SMIM14: variants seen among roughly 807,000 people sequenced by gnomAD.
The protein encoded by SMIM14 is small integral membrane protein 14.
Under a neutral mutation model 12.6 loss-of-function variants are expected in SMIM14, and 5 were observed. The observed-to-expected ratio is 0.40, with a 90% CI of 0.21 to 0.83. The LOEUF (loss-of-function observed/expected upper bound fraction) is 0.83. Among genes scored for constraint, SMIM14 ranks in the 40% least tolerant of loss-of-function variants. The probability of loss-of-function intolerance (pLI) is 0.37; values close to 1 mark genes in which losing one functional copy is unlikely to be tolerated. For missense variants in SMIM14, 86 were observed against 119.1 expected (o/e 0.72, Z 1.29); for synonymous variants, 30 against 40.1 (o/e 0.75, Z 0.95).
At chr4:39,605,990 G>A (rs969754968) in intron 1 of SMIM14, among the ~76,000 whole-genome samples, 4 of 152,050 alleles carry the variant, frequency 2.6e-5, no homozygotes, top group Non-Finnish European at 4.4e-5. Flanking sequence ...TGCCCACCTC[G>A]GCCTCCCAAA....
At position 39,548,294 on chromosome 4, in the gene SMIM14, G is replaced by C. The variant is rs1578300188; in HGVS notation, c.*3832C>G. On this transcript the variant is annotated 3_prime_UTR_variant, in exon 5 of 5. Coordinates refer to ENST00000295958, the MANE Select transcript of SMIM14 (RefSeq NM_174921.3). ...AACAAAACAAAACAAACAAACAAAT[G>C]CAACAAAACAACCTCCCACTATTAT... 1 of 149,028 alleles carries C rather than the reference G, an allele frequency of 6.7e-6. No homozygotes were observed. Among genetic ancestry groups the C allele is most frequent in the South Asian group, 2.1e-4 (1 of 4,808 alleles). The allele number at this position is 149,028 out of a possible 1,614,324, so 9.2% of individuals were successfully genotyped here.
chr4:39,583,701 G>A (rs1713632258), intron 2 of SMIM14, among the ~76,000 whole-genome samples: 1 of 151,988 alleles, frequency 6.6e-6, no homozygotes, highest in Non-Finnish European at 1.5e-5. Flanking sequence ...TTCCACATAC[G>A]TGTACACATT....
intron 2 of SMIM14, among the ~76,000 whole-genome samples, chr4:39,589,168 C>A (rs1216604598): frequency 6.6e-6 from 1 of 152,304 alleles, no homozygotes; most frequent in East Asian, 1.9e-4. Context: ...CACACTGTAA[C>A]CTCTGCCTCC....
At chr4:39,593,372 T>G (rs1441565377) in intron 2 of SMIM14, 1 of 152,116 alleles carries the variant, frequency 6.6e-6, no homozygotes, top group African/African-American at 2.4e-5. Flanking sequence ...GCTAAAAACT[T>G]TCAATAAATT....
chr4:39,559,726 A>C (rs985013941), intron 3 of SMIM14, among the ~76,000 whole-genome samples: 1 of 152,102 alleles, frequency 6.6e-6, no homozygotes, highest in Non-Finnish European at 1.5e-5. Context: ...ATGGCAAACA[A>C]ATTAGTACAA....
Position 39,550,122 on chromosome 4 carries a change from A to G in SMIM14, c.*2004T>C, listed in dbSNP as rs1711594636. On this transcript the variant is annotated 3_prime_UTR_variant, in exon 5 of 5. Transcript: ENST00000295958. ...TACAATGATACAGAGAATTTATTCA[A>G]TTCATACAAGTAATTTACCAGATCT... 3 of 152,230 alleles carry G rather than the reference A, an allele frequency of 2.0e-5. No homozygotes were observed. The South Asian group carries it at 6.2e-4, about 32-fold the overall frequency. The allele number at this position is 152,230 out of a possible 1,614,324, so 9.4% of individuals were successfully genotyped here. A position where few individuals can be genotyped will look rare whatever the true frequency, so the allele number is the denominator to read the frequency against.
At chr4:39,585,719 A>G (rs1045605494) in intron 2 of SMIM14, among the ~76,000 whole-genome samples, 3 of 152,074 alleles carry the variant, frequency 2.0e-5, no homozygotes, top group African/African-American at 7.3e-5. Context: ...GGGAAAAAAA[A>G]AAGTTGCAGA....
At chr4:39,590,133 G>T (rs1713989610) in intron 2 of SMIM14, among the ~76,000 whole-genome samples, 1 of 151,208 alleles carries the variant, frequency 6.6e-6, no homozygotes, top group Non-Finnish European at 1.5e-5. Context: ...AATAATTTAT[G>T]CAAGGCACGG....
chr4:39,622,252 T>A (rs1029615733), intron 1 of SMIM14, among the ~76,000 whole-genome samples: 1 of 151,150 alleles, frequency 6.6e-6, no homozygotes, highest in Admixed American at 6.6e-5. Flanking sequence ...CCCAGCTAAT[T>A]TTTGTATTTT....
At chr4:39,620,218 G>A (rs937906821) in intron 1 of SMIM14, among the ~76,000 whole-genome samples, 1 of 150,600 alleles carries the variant, frequency 6.6e-6, no homozygotes, top group Admixed American at 6.6e-5. Context: ...TGTGGCTCAC[G>A]CCTGTAATCC....
chr4:39,570,448 C>G (rs983398068), intron 3 of SMIM14, among the ~76,000 whole-genome samples: 1 of 152,082 alleles, frequency 6.6e-6, no homozygotes, highest in Admixed American at 6.6e-5. Flanking sequence ...CGTGAGCCAC[C>G]GTGCCCGGCA....
chr4:39,603,803 G>A (rs1028808258), intron 2 of SMIM14, among the ~76,000 whole-genome samples: 1 of 151,938 alleles, frequency 6.6e-6, no homozygotes, highest in African/African-American at 2.4e-5. Context: ...CTGAGGTCAG[G>A]AGTTTGAGAC....
intron 2 of SMIM14, among the ~76,000 whole-genome samples, chr4:39,591,516 C>T (rs1187041194): frequency 6.6e-6 from 1 of 152,236 alleles, no homozygotes; most frequent in African/African-American, 2.4e-5. Flanking sequence ...ATTCTTTGTA[C>T]TGCAATCATA....
intron 1 of SMIM14, 38 bp downstream of exon 1, chr4:39,638,701 A>G: frequency 1.0e-6 from 1 of 985,300 alleles, no homozygotes; most frequent in Non-Finnish European, 1.2e-6. Context: ...GGGGAGGGTG[A>G]GCCAGCAAAC....
In SMIM14 at chr4:39,548,479, A is replaced by G. The variant is rs1209811111; in HGVS notation, c.*3647T>C. The G allele has an allele frequency of 1.3e-5, 2 of 152,200 alleles. No individual in the cohort carries two copies. Among genetic ancestry groups the G allele is most frequent in the Non-Finnish European group, 2.9e-5 (2 of 68,038 alleles). The allele number at this position is 152,200 out of a possible 1,614,324, so 9.4% of individuals were successfully genotyped here. A position where few individuals can be genotyped will look rare whatever the true frequency, so the allele number is the denominator to read the frequency against. ...ATTGCTGGGATTACAGGCATGAGCC[A>G]CCATGACTGGCCTAAAACAAAATAA... On this transcript the variant is annotated 3_prime_UTR_variant, in exon 5 of 5. Transcript: ENST00000295958.
At chr4:39,585,003 T>C (rs913507967) in intron 2 of SMIM14, among the ~76,000 whole-genome samples, 1 of 151,946 alleles carries the variant, frequency 6.6e-6, no homozygotes, top group Admixed American at 6.6e-5. Context: ...TTGAGTTTAC[T>C]TTATTGAACC....
intron 3 of SMIM14, among the ~76,000 whole-genome samples, chr4:39,563,637 C>T (rs1315749882): frequency 6.6e-6 from 1 of 152,216 alleles, no homozygotes; most frequent in Non-Finnish European, 1.5e-5. Flanking sequence ...GTTCTTACAA[C>T]TAACTCCATT....
At position 39,561,920 on chromosome 4, in the gene SMIM14, G is replaced by A. The variant is rs552874463; in HGVS notation, c.125-5350C>T. Among the ~76,000 whole-genome samples the A allele has an allele frequency of 2.2e-4, 33 of 152,130 alleles. No homozygotes were observed. In the South Asian group the frequency reaches 2.5e-3, roughly 11 times the overall value. On this transcript the variant is annotated intron_variant, in intron 3 of 4. Transcript: ENST00000295958. ...TGCACTCCAGCCTGGGCAACATAGT[G>A]AGACTCCATCTCAACAACAACAACA...
rs913986387 is a variant in SMIM14, at chr4:39,546,514, A to C, written c.*5612T>G. The C allele has an allele frequency of 7.9e-5, 12 of 152,200 alleles. No homozygotes were observed. The highest frequency in any genetic ancestry group is 1.5e-4 in the Non-Finnish European group (10 of 68,024). The allele number at this position is 152,200 out of a possible 1,614,324, so 9.4% of individuals were successfully genotyped here. A position where few individuals can be genotyped will look rare whatever the true frequency, so the allele number is the denominator to read the frequency against. Reference sequence around the variant, plus strand: ...ATGGAGCATCTTTTGGAGGGGGGGGAACCCCCAACAACTCTACAAATTGAG... The same window carrying C: ...ATGGAGCATCTTTTGGAGGGGGGGGCACCCCCAACAACTCTACAAATTGAG... On this transcript the variant is annotated 3_prime_UTR_variant, in exon 5 of 5. Coordinates refer to ENST00000295958, the MANE Select transcript of SMIM14 (RefSeq NM_174921.3).
Sources: gnomAD v4.1 joint callset for allele counts (sites outside exome capture counted in the v4.1 genomes callset) on GRCh38, gnomAD v4.1.1 for gene constraint, MANE v1.5 for transcripts, NCBI Gene and HGNC (gene_info 2026-07-23, HGNC 2026-07-21) for gene names.